Variants in GPC3 observed in about 807,000 individuals in gnomAD.
GPC3 encodes glypican-3.
In GPC3, 3 loss-of-function variants were observed where a neutral mutation model predicts 34.4. The observed-to-expected ratio is 0.09, with a 90% CI of 0.04 to 0.23. The LOEUF (loss-of-function observed/expected upper bound fraction) is 0.23. Among genes scored for constraint, GPC3 ranks in the 10% least tolerant of loss-of-function variants. The probability of loss-of-function intolerance (pLI) is 1.00; values close to 1 mark genes in which losing one functional copy is unlikely to be tolerated. For missense variants in GPC3, 351 were observed against 445.6 expected (o/e 0.79, Z 1.91); for synonymous variants, 177 against 174.0 (o/e 1.02, Z -0.13).
intron 2 of GPC3, among the ~76,000 whole-genome samples, chrX:133,923,259 A>C (rs2076259744): frequency 1.8e-5 from 2 of 111,863 alleles, no homozygotes. Flanking sequence ...ACAGGCTGAG[A>C]AGAGAAAAGC....
chrX:133,899,354 C>A (rs1348436588), intron 2 of GPC3, among the ~76,000 whole-genome samples: 1 of 111,414 alleles, frequency 9.0e-6, no homozygotes, highest in African/African-American at 3.3e-5. Context: ...CCACATCTAC[C>A]TTCCTCCGGA....
chrX:133,550,893 C>G (rs1354338102), intron 7 of GPC3, among the ~76,000 whole-genome samples: 15 of 112,128 alleles, frequency 1.3e-4, no homozygotes. Flanking sequence ...CCCACAGCAT[C>G]AGTTTACCAC....
chrX:133,751,536 A>G (rs2071667862), intron 3 of GPC3, among the ~76,000 whole-genome samples: 1 of 112,374 alleles, frequency 8.9e-6, no homozygotes, highest in East Asian at 2.8e-4. Context: ...TGGGGCAATT[A>G]CAGCAACTCC....
intron 2 of GPC3, among the ~76,000 whole-genome samples, chrX:133,920,404 G>C (rs2076243358): frequency 9.0e-6 from 1 of 111,027 alleles, no homozygotes; most frequent in Non-Finnish European, 1.9e-5. Flanking sequence ...TTACTTTTAG[G>C]TCTTTACCCT....
chrX:133,694,031 A>C (rs1157882220), intron 4 of GPC3, among the ~76,000 whole-genome samples: 2 of 110,753 alleles, frequency 1.8e-5, no homozygotes, highest in African/African-American at 6.6e-5. Context: ...AGGCCTTCTA[A>C]ATGAAGGCCT....
At chrX:133,612,640 C>T (rs557760971) in intron 6 of GPC3, among the ~76,000 whole-genome samples, 5 of 111,193 alleles carry the variant, frequency 4.5e-5, no homozygotes, top group Middle Eastern at 4.6e-3. Context: ...TGCTTCAGGT[C>T]CTCCACTCTG....
At chrX:133,628,903 G>A (rs1471707104) in intron 6 of GPC3, among the ~76,000 whole-genome samples, 1 of 111,279 alleles carries the variant, frequency 9.0e-6, no homozygotes, top group African/African-American at 3.3e-5. Context: ...TTCAGAATCT[G>A]CTATGGATGT....
intron 6 of GPC3, among the ~76,000 whole-genome samples, chrX:133,615,909 C>G (rs1240647092): frequency 4.5e-5 from 5 of 110,971 alleles, no homozygotes; most frequent in Non-Finnish European, 9.4e-5. Flanking sequence ...GGAACTTTCT[C>G]AACCTGAGAA....
rs2071987059 is a variant in GPC3 at position 133,776,874 on chromosome X, TTTTC to T, written c.338-22702_338-22699del. ...AGCAAGGAAGTAGTCACGTCCTTTC[TTTTC>T]TTTTTTTTTTTTTTTTTTTGAGATG... is the stretch of plus-strand genomic sequence containing the variant. On this transcript the variant is annotated intron_variant, in intron 2 of 7. Transcript: ENST00000370818. Among the ~76,000 whole-genome samples the T allele has an allele frequency of 2.0e-4, 12 of 59,548 alleles. No individual in the cohort carries two copies. In the South Asian group the frequency reaches 9.8e-3, roughly 49 times the overall value. The allele number at this position is 59,548 out of a possible 115,157, so 51.7% of individuals were successfully genotyped here. A position where few individuals can be genotyped will look rare whatever the true frequency, so the allele number is the denominator to read the frequency against.
At chrX:133,895,532 G>A (rs925756325) in intron 2 of GPC3, among the ~76,000 whole-genome samples, 2 of 111,595 alleles carry the variant, frequency 1.8e-5, no homozygotes, top group African/African-American at 6.5e-5. Context: ...AGATAGAGGA[G>A]TTATTTAGTG....
At chrX:133,659,060 T>C (rs754140315) in intron 6 of GPC3, among the ~76,000 whole-genome samples, 2 of 112,383 alleles carry the variant, frequency 1.8e-5, no homozygotes, top group South Asian at 3.7e-4. Flanking sequence ...TGCCATATAT[T>C]AAGTGCCTGT....
At chrX:133,895,471 C>A (rs969975249) in intron 2 of GPC3, among the ~76,000 whole-genome samples, 3 of 111,405 alleles carry the variant, frequency 2.7e-5, no homozygotes, top group Non-Finnish European at 5.6e-5. Flanking sequence ...TCATAGAATG[C>A]GATTCTGAGT....
In GPC3 at chrX:133,600,414, TA is replaced by T. The variant is rs752613777; in HGVS notation, c.1414-3816del. On this transcript the variant is annotated intron_variant, in intron 6 of 7. Transcript: ENST00000370818. ...CCCACTATTCTTGAGTAGCTCAGTT[TA>T]AAACAAAGTGCAATTAAACAAAAAC... Among the ~76,000 whole-genome samples, 17 of 111,825 alleles carry T rather than the reference TA, an allele frequency of 1.5e-4. No individual in the cohort carries two copies. In the South Asian group the frequency reaches 5.6e-3, roughly 37 times the overall value.
intron 2 of GPC3, among the ~76,000 whole-genome samples, chrX:133,825,815 G>C (rs899430220): frequency 1.8e-5 from 2 of 111,765 alleles, no homozygotes; most frequent in African/African-American, 6.5e-5. Flanking sequence ...AGGCAGAGTT[G>C]TCAACTGCCT....
At chrX:133,822,459 G>A (rs965949237) in intron 2 of GPC3, among the ~76,000 whole-genome samples, 5 of 111,857 alleles carry the variant, frequency 4.5e-5, no homozygotes, top group African/African-American at 9.7e-5. Context: ...TAAGATCTAT[G>A]GTAAGGACAA....
rs111883063 is a variant in GPC3 at position 133,547,665 on chromosome X, T to TATC, written c.1574-11375_1574-11373dup. 7.3e-4 allele frequency among the ~76,000 whole-genome samples: 81 copies of TATC among 110,212 alleles called. 2 individuals carry two copies. The highest frequency in any genetic ancestry group is 9.7e-4 in the Admixed American group (10 of 10,262). ...GAGGCTGCATTATTATTATTATTATTATCATCATCATCATCATTATTTTGA... is the reference window on the plus strand; with the variant it reads ...GAGGCTGCATTATTATTATTATTATTATCATCATCATCATCATCATTATTTTGA... On this transcript the variant is annotated intron_variant, in intron 7 of 7. Coordinates refer to ENST00000370818, the MANE Select transcript of GPC3 (RefSeq NM_004484.4).
intron 5 of GPC3, among the ~76,000 whole-genome samples, chrX:133,678,177 G>C (rs2070903475): frequency 8.9e-6 from 1 of 111,876 alleles, no homozygotes; most frequent in Non-Finnish European, 1.9e-5. Context: ...TTGAGAATTA[G>C]TCAATGCATA....
At chrX:133,891,924 G>A (rs182794247) in intron 2 of GPC3, among the ~76,000 whole-genome samples, 78 of 110,533 alleles carry the variant, frequency 7.1e-4, no homozygotes, top group Non-Finnish European at 1.0e-3. Flanking sequence ...TCTAAGTAGC[G>A]AATCTGTGTG....
chrX:133,537,671 C>T (rs943875911), intron 7 of GPC3, among the ~76,000 whole-genome samples: 2 of 111,814 alleles, frequency 1.8e-5, no homozygotes, highest in African/African-American at 3.3e-5. Context: ...AACAATTTTA[C>T]GGCACCTCCA....
Sources: gnomAD v4.1 joint callset for allele counts (sites outside exome capture counted in the v4.1 genomes callset) on GRCh38, gnomAD v4.1.1 for gene constraint, MANE v1.5 for transcripts, NCBI Gene and HGNC (gene_info 2026-07-23, HGNC 2026-07-21) for gene names.